PTPRT: variants seen among roughly 807,000 people sequenced by gnomAD.
PTPRT encodes receptor-type tyrosine-protein phosphatase T.
A neutral mutation model predicts 176.8 loss-of-function variants in PTPRT; 56 were observed. The ratio of observed to expected loss-of-function variants is 0.32; its 90% confidence interval spans 0.26 to 0.40. The LOEUF is 0.40. Among genes scored for constraint, PTPRT ranks in the 10% least tolerant of loss-of-function variants. The pLI is 1.00. For synonymous variants in PTPRT, 783 were observed against 739.0 expected, an observed-to-expected ratio of 1.06 and a Z score of -0.96; for missense variants, 1,540 against 1,908.2, an observed-to-expected ratio of 0.81 and a Z score of 3.60.
chr20:42,639,852 G>C (rs2074697868), intron 7 of PTPRT, among the ~76,000 whole-genome samples: 1 of 151,814 alleles, frequency 6.6e-6, no homozygotes, highest in African/African-American at 2.4e-5. Flanking sequence ...TTCTTTCCAG[G>C]CACCTGTCTT....
intron 12 of PTPRT, 115 bp from the exon 13 acceptor site, chr20:42,282,640 A>G: frequency 1.2e-6 from 1 of 807,088 alleles, no homozygotes; most frequent in South Asian, 2.2e-5. Context: ...TGTATTTTTA[A>G]TTATAATTTT....
At chr20:42,740,173 C>A (rs934924709) in intron 6 of PTPRT, among the ~76,000 whole-genome samples, 2 of 151,954 alleles carry the variant, frequency 1.3e-5, no homozygotes, top group Admixed American at 6.6e-5. Flanking sequence ...TCTGGAGATG[C>A]CAGCCCCCAA....
chr20:42,813,016 C>T (rs949911068), intron 2 of PTPRT, among the ~76,000 whole-genome samples: 1 of 152,034 alleles, frequency 6.6e-6, no homozygotes, highest in African/African-American at 2.4e-5. Flanking sequence ...CTACTTTCAC[C>T]ACTCTATTTC....
intron 16 of PTPRT, among the ~76,000 whole-genome samples, chr20:42,179,796 G>A (rs1990439306): frequency 1.3e-5 from 2 of 152,198 alleles, no homozygotes; most frequent in Admixed American, 6.5e-5. Flanking sequence ...AATGGGGTAG[G>A]TGTACCGGAA....
intron 12 of PTPRT, among the ~76,000 whole-genome samples, chr20:42,285,859 A>G (rs2057221420): frequency 6.6e-6 from 1 of 152,064 alleles, no homozygotes; most frequent in Admixed American, 6.6e-5. Flanking sequence ...TACAAAATCA[A>G]CATACAAAAA....
At chr20:42,509,595 C>A (rs1400570432) in intron 7 of PTPRT, among the ~76,000 whole-genome samples, 1 of 147,492 alleles carries the variant, frequency 6.8e-6, no homozygotes, top group African/African-American at 2.5e-5. Context: ...GTTCCTTATT[C>A]ATTTATCAAT....
At chr20:42,038,271 A>G in the PTPRT span, among the ~76,000 whole-genome samples, 1 of 152,182 alleles carries the variant, frequency 6.6e-6, no homozygotes, top group African/African-American at 2.4e-5. Context: ...TGGCTCCCTC[A>G]AGGTGACACA....
intron 6 of PTPRT, among the ~76,000 whole-genome samples, chr20:42,718,854 C>A (rs1237890634): frequency 2.0e-5 from 3 of 152,000 alleles, no homozygotes; most frequent in Non-Finnish European, 4.4e-5. Flanking sequence ...AAAGGTTTAT[C>A]CACACACACA....
intron 1 of PTPRT, among the ~76,000 whole-genome samples, chr20:42,979,055 T>C (rs576822630): frequency 1.1e-4 from 17 of 152,204 alleles, no homozygotes; most frequent in Non-Finnish European, 1.8e-4. Context: ...CCAGGACCCC[T>C]TTCCTGAAAT....
At chr20:43,117,253 G>A (rs1021777257) in intron 1 of PTPRT, among the ~76,000 whole-genome samples, 2 of 152,150 alleles carry the variant, frequency 1.3e-5, no homozygotes, top group African/African-American at 4.8e-5. Flanking sequence ...CAACTTATGT[G>A]GATAAAGGGA....
chr20:42,709,005 G>A (rs1366666535), intron 6 of PTPRT, among the ~76,000 whole-genome samples: 1 of 152,224 alleles, frequency 6.6e-6, no homozygotes, highest in Non-Finnish European at 1.5e-5. Context: ...AGGTGGAGGT[G>A]TACAGAGAGG....
chr20:42,128,872 C>T (rs532234927), intron 18 of PTPRT, 42 bp from the exon 19 acceptor site: 11 of 1,505,876 alleles, frequency 7.3e-6, no homozygotes, highest in African/African-American at 1.4e-5. Context: ...TGATAAGAGG[C>T]CTTACGCAGC....
chr20:43,136,050 T>C (rs528053374), intron 1 of PTPRT, among the ~76,000 whole-genome samples: 1 of 152,232 alleles, frequency 6.6e-6, no homozygotes, highest in Non-Finnish European at 1.5e-5. Flanking sequence ...TCAAAGGTTC[T>C]GGGCAACTGG....
intron 7 of PTPRT, among the ~76,000 whole-genome samples, chr20:42,635,914 T>G (rs2074586789): frequency 6.6e-6 from 1 of 152,168 alleles, no homozygotes; most frequent in African/African-American, 2.4e-5. Context: ...TCTTAAGGAC[T>G]TGCATACAGT....
At chr20:43,033,758 G>A (rs1442950645) in intron 1 of PTPRT, among the ~76,000 whole-genome samples, 2 of 152,222 alleles carry the variant, frequency 1.3e-5, no homozygotes, top group Non-Finnish European at 2.9e-5. Flanking sequence ...GGAGGCAGAT[G>A]CTAAGGTCAT....
chr20:43,094,432 C>G (rs1323191664), intron 1 of PTPRT, among the ~76,000 whole-genome samples: 1 of 107,978 alleles, frequency 9.3e-6, no homozygotes, highest in Non-Finnish European at 1.8e-5. Context: ...GAGTTTCGCT[C>G]TTGTTGCACA....
intron 1 of PTPRT, among the ~76,000 whole-genome samples, chr20:43,091,344 A>G (rs2011843767): frequency 6.6e-6 from 1 of 152,182 alleles, no homozygotes; most frequent in Non-Finnish European, 1.5e-5. Flanking sequence ...CTAATTAGCA[A>G]TACTGAATGT....
chr20:42,169,631 C>T (rs979446857), intron 16 of PTPRT, among the ~76,000 whole-genome samples: 12 of 151,940 alleles, frequency 7.9e-5, no homozygotes, highest in African/African-American at 2.9e-4. Flanking sequence ...GACTTCTCTT[C>T]CTTTAAAGTT....
intron 2 of PTPRT, among the ~76,000 whole-genome samples, chr20:42,874,440 CAAAA>C (rs5841478): frequency 6.6e-6 from 1 of 151,024 alleles, no homozygotes; most frequent in African/African-American, 2.4e-5. Flanking sequence ...ATCCTCTCCT[CAAAA>C]AAAAAGTTTT....
Sources: allele counts gnomAD v4.1 joint callset (sites outside exome capture counted in the v4.1 genomes callset), GRCh38; gene constraint gnomAD v4.1.1; transcripts MANE v1.5; gene names NCBI Gene and HGNC (gene_info 2026-07-23, HGNC 2026-07-21).